UBE2E1: variants seen among roughly 807,000 people sequenced by gnomAD.
The protein encoded by UBE2E1 is ubiquitin conjugating enzyme E2 E1, also known as ubiquitin-conjugating enzyme E2 E1.
In UBE2E1, 6 loss-of-function variants were observed where a neutral mutation model predicts 21.4. The observed-to-expected ratio is 0.28, with a 90% CI of 0.15 to 0.55. The LOEUF is 0.55. UBE2E1 is among the 20% of genes least tolerant of loss of function. The pLI is 0.93. For missense variants in UBE2E1, 142 were observed against 236.5 expected, an observed-to-expected ratio of 0.60 and a Z score of 2.62; for synonymous variants, 87 against 82.7, an observed-to-expected ratio of 1.05 and a Z score of -0.28.
chr3:23,860,988 G>A (rs999326386), intron 3 of UBE2E1, among the ~76,000 whole-genome samples: 1 of 152,178 alleles, frequency 6.6e-6, no homozygotes, highest in Non-Finnish European at 1.5e-5. Context: ...AGTGATGACT[G>A]CACCAAATGC....
rs745648610 is a variant in UBE2E1 at position 23,807,358 on chromosome 3, A to G, written c.89A>G (p.Lys30Arg). 5.6e-6 allele frequency: 9 copies of G among 1,613,868 alleles called. No individual in the cohort carries two copies. In the East Asian group the frequency reaches 1.8e-4, roughly 32 times the overall value. Residue 30 changes from lysine to arginine, a missense_variant, in exon 2 of 6, where the codon AAG becomes AGG. Physicochemically the swap from Lys to Arg is conservative, Grantham distance 26. Coordinates refer to ENST00000306627, the MANE Select transcript of UBE2E1 (RefSeq NM_003341.5). ...QQTEKETNTP[K>R]KKESKVSMSK... ...ACCGAGAAAGAAACAAACACCCCCA[A>G]GAAGAAGGAGAGTAAAGTCAGCATG...
At chr3:23,855,746 C>T (rs952457660) in intron 3 of UBE2E1, among the ~76,000 whole-genome samples, 53 of 151,942 alleles carry the variant, frequency 3.5e-4, no homozygotes, top group Non-Finnish European at 6.6e-4. Flanking sequence ...AGGAGAATGG[C>T]GTGAACCCGG....
intron 3 of UBE2E1, among the ~76,000 whole-genome samples, chr3:23,862,373 C>T (rs1407892723): frequency 1.3e-5 from 2 of 152,212 alleles, no homozygotes; most frequent in African/African-American, 2.4e-5. Flanking sequence ...ACGTATTAAG[C>T]TCTGTAAGCA....
In UBE2E1 at chr3:23,845,561, T is replaced by TTCTCTCTCTCTCTCTCTCTCTCTCTCTC. The variant is rs144798695; in HGVS notation, c.203+34053_203+34080dup. 5.1e-5 allele frequency among the ~76,000 whole-genome samples: 7 copies of TTCTCTCTCTCTCTCTCTCTCTCTCTCTC among 137,012 alleles called. No homozygotes were observed. In the East Asian group the frequency reaches 1.5e-3, roughly 29 times the overall value. 89.9% of individuals were successfully genotyped at this position (137,012 alleles called of 152,430 possible). A position where few individuals can be genotyped will look rare whatever the true frequency, so the allele number is the denominator to read the frequency against. On this transcript the variant is annotated intron_variant, in intron 3 of 5. Coordinates refer to ENST00000306627, the MANE Select transcript of UBE2E1 (RefSeq NM_003341.5). ...TTGTCCATCTCCCCACTGTTTTGGT[T>TTCTCTCTCTCTCTCTCTCTCTCTCTCTC]TCTCTCTCTCTCTCTCTCTCTCTCT...
In UBE2E1 at chr3:23,842,251, T is replaced by TG; in HGVS notation, c.203+30742dup. The stretch of plus-strand genomic sequence containing the variant: ...TGTGTGTGTGTGTGTGTGTGTGTGG[T>TG]GTTGTTGTTGTTGGCGACAGGGTCT... On this transcript the variant is annotated intron_variant, in intron 3 of 5. Transcript: ENST00000306627. This position sits in a 1 kb window ranked among gnomAD's most constrained non-coding sequence, Gnocchi z 4.6. 6.7e-5 allele frequency among the ~76,000 whole-genome samples: 1 copy of TG among 14,904 alleles called. No individual in the cohort carries two copies. Among genetic ancestry groups the TG allele is most frequent in the African/African-American group, 2.4e-4 (1 of 4,092 alleles). 9.8% of individuals were successfully genotyped at this position (14,904 alleles called of 152,430 possible).
rs367814084 is a variant in UBE2E1 at position 23,870,687 on chromosome 3, A to AT, written c.204-16876dup. On this transcript the variant is annotated intron_variant, in intron 3 of 5. Coordinates refer to ENST00000306627, the MANE Select transcript of UBE2E1 (RefSeq NM_003341.5). The surrounding 1 kb of genome is among the most constrained non-coding windows in gnomAD (Gnocchi z 4.2). ...CTATTTAAAATTCTTTTTTTATTTT[A>AT]TTTTATTTTATTGATCATTCTTGGG... Among the ~76,000 whole-genome samples the AT allele has an allele frequency of 1.5e-5, 1 of 68,698 alleles. No homozygotes were observed. Among genetic ancestry groups the AT allele is most frequent in the Non-Finnish European group, 3.2e-5 (1 of 31,658 alleles). The allele number at this position is 68,698 out of a possible 152,430, so 45.1% of individuals were successfully genotyped here.
intron 3 of UBE2E1, among the ~76,000 whole-genome samples, chr3:23,811,769 A>C (rs1197940651): frequency 1.3e-5 from 2 of 152,234 alleles, no homozygotes; most frequent in Admixed American, 1.3e-4. Context: ...AGTAAATTTA[A>C]AGGTGTCTCC....
chr3:23,825,912 A>T (rs1397203270), intron 3 of UBE2E1, among the ~76,000 whole-genome samples: 1 of 152,188 alleles, frequency 6.6e-6, no homozygotes, highest in African/African-American at 2.4e-5. Context: ...GCAGTGGGGC[A>T]TGCCTATATT....
At chr3:23,855,063 A>G (rs1417944891) in intron 3 of UBE2E1, among the ~76,000 whole-genome samples, 2 of 152,242 alleles carry the variant, frequency 1.3e-5, no homozygotes, top group Non-Finnish European at 2.9e-5. Flanking sequence ...TTTTCAACTT[A>G]GAGATTCAAC....
intron 3 of UBE2E1, among the ~76,000 whole-genome samples, chr3:23,855,657 G>A (rs887061957): frequency 6.6e-6 from 1 of 151,840 alleles, no homozygotes; most frequent in African/African-American, 2.4e-5. Context: ...ATGAAACCCC[G>A]TCTCTACTAA....
At position 23,863,709 on chromosome 3, in the gene UBE2E1, T is replaced by C. The variant is rs1171935523; in HGVS notation, c.204-23858T>C. 1.3e-5 allele frequency among the ~76,000 whole-genome samples: 2 copies of C among 152,104 alleles called. No homozygotes were observed. Among genetic ancestry groups the C allele is most frequent in the Non-Finnish European group, 2.9e-5 (2 of 68,022 alleles). On this transcript the variant is annotated intron_variant, in intron 3 of 5. Transcript: ENST00000306627. The surrounding 1 kb of genome is among the most constrained non-coding windows in gnomAD (Gnocchi z 4.3). ...CCACGCCTGGCTAATTTTCTATTTT[T>C]AGTAGAGATGGGGTTTCTCCATGTT...
At position 23,876,936 on chromosome 3, in the gene UBE2E1, C is replaced by T. The variant is rs1220830530; in HGVS notation, c.204-10631C>T. Among the ~76,000 whole-genome samples the T allele has an allele frequency of 6.6e-6, 1 of 152,108 alleles. No homozygotes were observed. The highest frequency in any genetic ancestry group is 1.5e-5 in the Non-Finnish European group (1 of 68,020). On this transcript the variant is annotated intron_variant, in intron 3 of 5. Coordinates refer to ENST00000306627, the MANE Select transcript of UBE2E1 (RefSeq NM_003341.5). This position sits in a 1 kb window ranked among gnomAD's most constrained non-coding sequence, Gnocchi z 4.3. ...ATGCACGCCTGTAATCCTAGCAACT[C>T]AGGAGGCTGAGATGGAAGGATCACT... is the stretch of plus-strand genomic sequence containing the variant.
chr3:23,827,805 T>A (rs1699789844), intron 3 of UBE2E1, among the ~76,000 whole-genome samples: 1 of 151,640 alleles, frequency 6.6e-6, no homozygotes, highest in South Asian at 2.1e-4. Flanking sequence ...TATATTCTTT[T>A]GTTTAAAAAT....
At chr3:23,847,086 G>T (rs900040295) in intron 3 of UBE2E1, among the ~76,000 whole-genome samples, 1 of 152,122 alleles carries the variant, frequency 6.6e-6, no homozygotes, top group East Asian at 1.9e-4. Flanking sequence ...AATGGTCTTT[G>T]ATTGATGTTA....
intron 3 of UBE2E1, among the ~76,000 whole-genome samples, chr3:23,819,535 C>T (rs541562744): frequency 1.3e-5 from 2 of 152,248 alleles, no homozygotes; most frequent in African/African-American, 4.8e-5. Flanking sequence ...TGTGTTCTTT[C>T]CCAGCAGACT....
chr3:23,874,000 T>C (rs1276688948), intron 3 of UBE2E1, among the ~76,000 whole-genome samples: 2 of 152,230 alleles, frequency 1.3e-5, no homozygotes, highest in Non-Finnish European at 2.9e-5. Context: ...CTCTGCTTTG[T>C]AGCAAGTTAT....
chr3:23,831,470 A>G (rs1400411662), intron 3 of UBE2E1, among the ~76,000 whole-genome samples: 1 of 151,876 alleles, frequency 6.6e-6, no homozygotes, highest in South Asian at 2.1e-4. Context: ...GGTCCAGATG[A>G]CACTAATATT....
intron 3 of UBE2E1, among the ~76,000 whole-genome samples, chr3:23,833,475 G>C (rs899685313): frequency 1.3e-5 from 2 of 152,170 alleles, no homozygotes; most frequent in Admixed American, 6.5e-5. Context: ...ATAGAGTCAG[G>C]TTGGAAGATA....
chr3:23,832,178 G>A (rs1372016020), intron 3 of UBE2E1, among the ~76,000 whole-genome samples: 1 of 152,194 alleles, frequency 6.6e-6, no homozygotes, highest in African/African-American at 2.4e-5. Flanking sequence ...GAATGAAGGA[G>A]CAAATGAATG....
Sources: gnomAD v4.1 joint callset for allele counts (sites outside exome capture counted in the v4.1 genomes callset) on GRCh38, gnomAD v4.1.1 for gene constraint, Gnocchi (gnomAD v3.1) non-coding constraint, MANE v1.5 for transcripts, NCBI Gene and HGNC (gene_info 2026-07-23, HGNC 2026-07-21) for gene names.